TMEM181: variants seen among roughly 807,000 people sequenced by gnomAD.
TMEM181 encodes the protein transmembrane protein 181.
TMEM181 carries 39 observed loss-of-function variants against 71.9 expected under a neutral mutation model. The ratio of observed to expected loss-of-function variants is 0.54; its 90% confidence interval spans 0.42 to 0.71. The LOEUF (loss-of-function observed/expected upper bound fraction) is 0.71, where lower values mean the gene tolerates loss of function less well. Among genes scored for constraint, TMEM181 ranks in the 30% least tolerant of loss-of-function variants. The pLI is 0.00. For synonymous variants in TMEM181, 245 were observed against 228.8 expected (o/e 1.07, Z -0.64); for missense variants, 595 against 583.0 (o/e 1.02, Z -0.21).
chr6:158,602,756 T>G (rs575532816), intron 6 of TMEM181, among the ~76,000 whole-genome samples: 1 of 152,188 alleles, frequency 6.6e-6, no homozygotes, highest in East Asian at 1.9e-4. Flanking sequence ...TTTTATTTTT[T>G]ATTTTTGTAG....
At chr6:158,596,678 A>G in intron 6 of TMEM181, among the ~76,000 whole-genome samples, 1 of 152,156 alleles carries the variant, frequency 6.6e-6, no homozygotes, top group East Asian at 1.9e-4. Context: ...GGGAAGAAAA[A>G]GGGGTTTAAT....
At chr6:158,575,357 CT>C (rs5881279) in intron 2 of TMEM181, among the ~76,000 whole-genome samples, 5 of 149,544 alleles carry the variant, frequency 3.3e-5, no homozygotes, top group Non-Finnish European at 7.4e-5. Context: ...CCAGATTCTT[CT>C]TTTTTTTTTG....
At chr6:158,622,796 C>G (rs1474592640) in intron 10 of TMEM181, among the ~76,000 whole-genome samples, 2 of 152,120 alleles carry the variant, frequency 1.3e-5, no homozygotes, top group Non-Finnish European at 2.9e-5. Flanking sequence ...ATGTCCTTTT[C>G]AATTTCTCCT....
intron 6 of TMEM181, among the ~76,000 whole-genome samples, chr6:158,591,903 T>C (rs150356096): frequency 7.2e-5 from 11 of 152,288 alleles, no homozygotes; most frequent in South Asian, 2.1e-4. Flanking sequence ...TTGGTACATA[T>C]GTTAGGTGAA....
chr6:158,538,207 T>G (rs1270874573), intron 1 of TMEM181, among the ~76,000 whole-genome samples: 1 of 146,400 alleles, frequency 6.8e-6, no homozygotes, highest in Non-Finnish European at 1.5e-5. Flanking sequence ...CAGGCTGGAG[T>G]GCAGTGGTGC....
chr6:158,584,887 T>C (rs1020576750), intron 4 of TMEM181, among the ~76,000 whole-genome samples: 2 of 152,246 alleles, frequency 1.3e-5, no homozygotes, highest in Admixed American at 1.3e-4. Flanking sequence ...ATGCTATCTT[T>C]ATATTTTATG....
At chr6:158,590,663 C>T (rs1784058314) in intron 6 of TMEM181, among the ~76,000 whole-genome samples, 2 of 152,214 alleles carry the variant, frequency 1.3e-5, no homozygotes, top group African/African-American at 2.4e-5. Context: ...AGAGTTTCAC[C>T]ATGTTGGCCA....
At chr6:158,543,902 T>C (rs1354083206) in intron 1 of TMEM181, among the ~76,000 whole-genome samples, 1 of 152,208 alleles carries the variant, frequency 6.6e-6, no homozygotes, top group Non-Finnish European at 1.5e-5. Context: ...TTGGCTCCTC[T>C]CTGCCAATAT....
chr6:158,605,138 GTGTGTGT>G, intron 6 of TMEM181, 122 bp from the exon 7 acceptor site: 1 of 414,728 alleles, frequency 2.4e-6, no homozygotes, highest in Non-Finnish European at 4.3e-6. Flanking sequence ...AAAAGTGTGT[GTGTGTGT>G]GTGTGTGTGT....
In TMEM181 at chr6:158,633,830, A is replaced by C. The variant is rs963865421; in HGVS notation, c.*1942A>C. The C allele has an allele frequency of 6.6e-6, 1 of 151,376 alleles. No individual in the cohort carries two copies. Among genetic ancestry groups the C allele is most frequent in the East Asian group, 1.9e-4 (1 of 5,198 alleles). The allele number at this position is 151,376 out of a possible 1,614,324, so 9.4% of individuals were successfully genotyped here. A position where few individuals can be genotyped will look rare whatever the true frequency, so the allele number is the denominator to read the frequency against. On this transcript the variant is annotated 3_prime_UTR_variant, in exon 17 of 17. Coordinates refer to ENST00000684151, the MANE Select transcript of TMEM181 (RefSeq NM_001376852.1). ...TTTTTTATTCTGTGTATTGAAAAAA[A>C]TTTTCTGTTACCAAATTTTACAACT...
At chr6:158,560,914 C>A (rs1370161774) in intron 1 of TMEM181, among the ~76,000 whole-genome samples, 5 of 152,072 alleles carry the variant, frequency 3.3e-5, no homozygotes, top group Non-Finnish European at 4.4e-5. Context: ...TGCTTTTGAC[C>A]CAGCAGTCGC....
chr6:158,578,920 A>G (rs1348686571), intron 2 of TMEM181, among the ~76,000 whole-genome samples: 5 of 152,262 alleles, frequency 3.3e-5, no homozygotes, highest in African/African-American at 1.2e-4. Context: ...ATAGCACCAC[A>G]TGATCCAGCA....
chr6:158,540,406 G>A (rs1395106169), intron 1 of TMEM181, among the ~76,000 whole-genome samples: 1 of 152,202 alleles, frequency 6.6e-6, no homozygotes, highest in Admixed American at 6.5e-5. Flanking sequence ...GCCATCAGAA[G>A]ACGTACTAAA....
intron 6 of TMEM181, among the ~76,000 whole-genome samples, chr6:158,600,008 G>A (rs1784583197): frequency 6.6e-6 from 1 of 152,222 alleles, no homozygotes; most frequent in Admixed American, 6.5e-5. Flanking sequence ...CGGATGGAGT[G>A]TGATGAAGGC....
rs1315324813 is a variant in TMEM181 at position 158,632,200 on chromosome 6, AC to A, written c.*313del. ...ACGTTTTTAGTACAGTGAATTATGT[AC>A]TTTTTTTTCCTGTAATCATTCACTG... On this transcript the variant is annotated 3_prime_UTR_variant, in exon 17 of 17. Transcript: ENST00000684151. 1.6e-5 allele frequency: 5 copies of A among 322,220 alleles called. No homozygotes were observed. The highest frequency in any genetic ancestry group is 2.9e-5 in the Non-Finnish European group (5 of 170,240). 20.0% of individuals were successfully genotyped at this position (322,220 alleles called of 1,614,324 possible).
At chr6:158,608,771 T>A in intron 10 of TMEM181, 21 bp downstream of exon 10, 1 of 1,601,726 alleles carries the variant, frequency 6.2e-7, no homozygotes, top group Non-Finnish European at 8.5e-7. Context: ...CTATTATGTG[T>A]GAAACTTCAG....
chr6:158,617,055 A>G (rs1289793894), intron 10 of TMEM181, among the ~76,000 whole-genome samples: 2 of 152,236 alleles, frequency 1.3e-5, no homozygotes, highest in African/African-American at 2.4e-5. Flanking sequence ...TTCAGAAAGA[A>G]TAATAGCAAC....
At chr6:158,600,458 A>ATTTTTTTTT (rs61457107) in intron 6 of TMEM181, among the ~76,000 whole-genome samples, 2,125 of 91,714 alleles carry the variant, frequency 0.023, 125 homozygotes, top group Non-Finnish European at 0.029. Flanking sequence ...CCTAGGGTTA[A>ATTTTTTTTT]TTTTTTTTTT....
intron 1 of TMEM181, among the ~76,000 whole-genome samples, chr6:158,567,034 A>G (rs1782548313): frequency 6.6e-6 from 1 of 152,210 alleles, no homozygotes; most frequent in African/African-American, 2.4e-5. Flanking sequence ...GAAAGGGCCC[A>G]AAGAGTCAAG....
Sources: allele counts gnomAD v4.1 joint callset (sites outside exome capture counted in the v4.1 genomes callset), GRCh38; gene constraint gnomAD v4.1.1; transcripts MANE v1.5; gene names NCBI Gene and HGNC (gene_info 2026-07-23, HGNC 2026-07-21).